TRMT11: variants seen among roughly 807,000 people sequenced by gnomAD.
The protein encoded by TRMT11 is tRNA methyltransferase 11.
A neutral mutation model predicts 62.8 loss-of-function variants in TRMT11; 53 were observed. The observed-to-expected ratio is 0.84, with a 90% CI of 0.68 to 1.06. The LOEUF is 1.06. Among genes scored for constraint, TRMT11 ranks in the 50% least tolerant of loss-of-function variants. TRMT11 has a pLI of 0.00. For synonymous variants in TRMT11, 188 were observed against 190.3 expected (o/e 0.99, Z 0.10); for missense variants, 556 against 553.4 (o/e 1.00, Z -0.05).
At chr6:126,215,993 A>C in the TRMT11 span, among the ~76,000 whole-genome samples, 1 of 152,008 alleles carries the variant, frequency 6.6e-6, no homozygotes, top group Non-Finnish European at 1.5e-5. Context: ...TAGTCTTTCT[A>C]CTCAAGACAT....
intron 1 of TRMT11, among the ~76,000 whole-genome samples, chr6:126,189,468 A>T (rs1049909699): frequency 6.6e-6 from 1 of 152,158 alleles, no homozygotes; most frequent in African/African-American, 2.4e-5. Context: ...TCTTGCATTT[A>T]AAAAAATTAA....
intron 1 of TRMT11, among the ~76,000 whole-genome samples, chr6:126,188,393 A>G (rs1778551180): frequency 6.6e-6 from 1 of 152,108 alleles, no homozygotes; most frequent in Non-Finnish European, 1.5e-5. Context: ...ATTCAACATC[A>G]TAGTACTCAA....
At chr6:126,080,494 A>G (rs180832793) in intron 17 of TRMT11, among the ~76,000 whole-genome samples, 1 of 152,234 alleles carries the variant, frequency 6.6e-6, no homozygotes, top group East Asian at 1.9e-4. Context: ...ACAGATTTAG[A>G]GCCCCTTGAT....
intron 10 of TRMT11, 33 bp from the exon 11 acceptor site, chr6:126,012,937 C>T (rs1794444031): frequency 6.8e-6 from 11 of 1,607,930 alleles, no homozygotes; most frequent in East Asian, 2.2e-5. Flanking sequence ...TAAAATTTTT[C>T]ACTGATTTTG....
chr6:126,234,911 A>T, the TRMT11 span, among the ~76,000 whole-genome samples: 3 of 152,214 alleles, frequency 2.0e-5, no homozygotes, highest in South Asian at 6.2e-4. Flanking sequence ...ATGGGCATTA[A>T]GACAATCCCT....
the TRMT11 span, among the ~76,000 whole-genome samples, chr6:126,222,529 G>A: frequency 6.6e-5 from 10 of 151,818 alleles, no homozygotes; most frequent in African/African-American, 2.4e-4. Flanking sequence ...TCATTGTAGA[G>A]ATGTTTCACC....
chr6:126,258,331 C>T, the TRMT11 span: 4 of 389,906 alleles, frequency 1.0e-5, no homozygotes, highest in East Asian at 6.5e-5. Flanking sequence ...CCAGGGCCGC[C>T]GTCTGCCATG....
chr6:126,216,470 A>G, the TRMT11 span, among the ~76,000 whole-genome samples: 24 of 152,006 alleles, frequency 1.6e-4, no homozygotes, highest in Non-Finnish European at 1.5e-5. Context: ...TCATTGACCC[A>G]TAGTTTCCAG....
intron 17 of TRMT11, among the ~76,000 whole-genome samples, chr6:126,084,944 G>C (rs1777197979): frequency 6.6e-6 from 1 of 152,174 alleles, no homozygotes; most frequent in South Asian, 2.1e-4. Context: ...GAAATGCAGA[G>C]ATGCTAGCCA....
chr6:126,031,367 C>T (rs1774160497), intron 12 of TRMT11, among the ~76,000 whole-genome samples: 4 of 152,112 alleles, frequency 2.6e-5, no homozygotes, highest in Non-Finnish European at 4.4e-5. Flanking sequence ...TGGGACCATT[C>T]GTGTCAGGTG....
chr6:126,008,214 G>A (rs1374920239), intron 7 of TRMT11, among the ~76,000 whole-genome samples, 178 bp from the exon 8 acceptor site: 1 of 151,990 alleles, frequency 6.6e-6, no homozygotes, highest in Admixed American at 6.6e-5. Flanking sequence ...TACCAGTTTA[G>A]TGACTATAGC....
At chr6:126,066,335 A>G (rs1776689525) in intron 17 of TRMT11, among the ~76,000 whole-genome samples, 1 of 152,204 alleles carries the variant, frequency 6.6e-6, no homozygotes, top group Non-Finnish European at 1.5e-5. Context: ...CTATGGACCA[A>G]GTGACATCAA....
downstream of TRMT11, among the ~76,000 whole-genome samples, chr6:126,204,303 T>C (rs1312912756): frequency 1.3e-5 from 2 of 152,164 alleles, no homozygotes; most frequent in African/African-American, 2.4e-5. Context: ...GCTGTTATTG[T>C]ATATAGGTGT....
chr6:126,179,922 T>C (rs149864799), intron 1 of TRMT11, among the ~76,000 whole-genome samples: 4 of 152,316 alleles, frequency 2.6e-5, no homozygotes, highest in East Asian at 1.9e-4. Context: ...TTCATGCTTA[T>C]TGAATTTTTT....
chr6:126,233,832 G>A, the TRMT11 span, among the ~76,000 whole-genome samples: 4 of 152,162 alleles, frequency 2.6e-5, no homozygotes, highest in African/African-American at 4.8e-5. Flanking sequence ...ATACTTTCTT[G>A]TAGAGGAGGA....
chr6:126,081,483 C>A (rs1334436095), intron 17 of TRMT11, among the ~76,000 whole-genome samples: 1 of 152,050 alleles, frequency 6.6e-6, no homozygotes, highest in African/African-American at 2.4e-5. Context: ...GCATCAGATG[C>A]CTTAGTAAGA....
chr6:126,049,715 T>A (rs1217458476), intron 16 of TRMT11, among the ~76,000 whole-genome samples: 1 of 152,192 alleles, frequency 6.6e-6, no homozygotes. Context: ...TCAATGGAGT[T>A]TGGAAGGATG....
chr6:126,187,257 A>C (rs1778537672), intron 1 of TRMT11, among the ~76,000 whole-genome samples: 1 of 151,162 alleles, frequency 6.6e-6, no homozygotes, highest in South Asian at 2.1e-4. Flanking sequence ...AAGTGAATTT[A>C]GTCAAATTGC....
At chr6:126,097,595 T>C (rs577570523) in intron 17 of TRMT11, among the ~76,000 whole-genome samples, 1 of 152,276 alleles carries the variant, frequency 6.6e-6, no homozygotes, top group East Asian at 1.9e-4. Flanking sequence ...TTTTTAAAAG[T>C]GTCTGAAGCA....
Sources: allele counts gnomAD v4.1 joint callset (sites outside exome capture counted in the v4.1 genomes callset), GRCh38; gene constraint gnomAD v4.1.1; transcripts MANE v1.5; gene names NCBI Gene and HGNC (gene_info 2026-07-23, HGNC 2026-07-21).